The following GRM7 variants were observed in gnomAD, a reference collection of about 807,000 sequenced individuals.
GRM7 encodes metabotropic glutamate receptor 7.
A neutral mutation model predicts 84.5 loss-of-function variants in GRM7; 35 were observed. The ratio of observed to expected loss-of-function variants is 0.41; its 90% CI spans 0.32 to 0.55. The LOEUF (loss-of-function observed/expected upper bound fraction) is 0.55, where lower values mean the gene tolerates loss of function less well. Ranked by LOEUF, GRM7 falls within the 20% of genes least tolerant of loss-of-function variation. The probability of loss-of-function intolerance (pLI) is 0.19; values close to 1 mark genes in which losing one functional copy is unlikely to be tolerated. For synonymous variants in GRM7, 487 were observed against 455.1 expected, an observed-to-expected ratio of 1.07 and a Z score of -0.89; for missense variants, 1,003 against 1,194.6, an observed-to-expected ratio of 0.84 and a Z score of 2.36.
intron 7 of GRM7, among the ~76,000 whole-genome samples, chr3:7,559,647 A>G: frequency 6.6e-6 from 1 of 152,118 alleles, no homozygotes; most frequent in East Asian, 1.9e-4. Flanking sequence ...ATTATTTCTC[A>G]ACTCTGCGAA....
intron 4 of GRM7, among the ~76,000 whole-genome samples, chr3:7,336,814 A>C (rs1701438916): frequency 6.6e-6 from 1 of 151,930 alleles, no homozygotes; most frequent in African/African-American, 2.4e-5. Flanking sequence ...TCTATATATA[A>C]TATTTGGGAA....
chr3:6,870,061 C>G (rs1196974599), intron 1 of GRM7, among the ~76,000 whole-genome samples: 2 of 151,772 alleles, frequency 1.3e-5, no homozygotes, highest in African/African-American at 2.4e-5. Context: ...TCTCCCTTCT[C>G]CACTCTCTCC....
intron 8 of GRM7, among the ~76,000 whole-genome samples, chr3:7,654,110 A>G (rs1699077285): frequency 6.6e-6 from 1 of 151,922 alleles, no homozygotes; most frequent in Non-Finnish European, 1.5e-5. Flanking sequence ...CACTTCCTCT[A>G]TATTGCTGAT....
At chr3:6,949,251 G>A (rs1344808368) in intron 1 of GRM7, among the ~76,000 whole-genome samples, 2 of 152,118 alleles carry the variant, frequency 1.3e-5, no homozygotes, top group African/African-American at 2.4e-5. Context: ...AGCAGGCCTG[G>A]TGGTGACAAA....
intron 1 of GRM7, among the ~76,000 whole-genome samples, chr3:6,874,259 G>A (rs1323964224): frequency 1.3e-5 from 2 of 152,186 alleles, no homozygotes; most frequent in Non-Finnish European, 2.9e-5. Context: ...TTATCAGTAA[G>A]TAGCTGAACA....
chr3:7,379,291 C>T (rs945371622), intron 4 of GRM7, among the ~76,000 whole-genome samples: 2 of 151,934 alleles, frequency 1.3e-5, no homozygotes, highest in Admixed American at 6.6e-5. Context: ...CCCAGGTTGC[C>T]CAGCTTGCCC....
intron 1 of GRM7, among the ~76,000 whole-genome samples, chr3:7,073,425 T>G (rs1358671451): frequency 2.6e-5 from 4 of 152,136 alleles, no homozygotes; most frequent in African/African-American, 9.7e-5. Flanking sequence ...GCCTCTTGTT[T>G]CAAGGCAGCA....
chr3:7,472,567 G>A (rs1354086573), intron 7 of GRM7, among the ~76,000 whole-genome samples: 1 of 152,190 alleles, frequency 6.6e-6, no homozygotes, highest in Non-Finnish European at 1.5e-5. Context: ...ATGAGCTTGA[G>A]GAGAGAGGAC....
intron 2 of GRM7, among the ~76,000 whole-genome samples, chr3:7,218,964 G>C (rs887289472): frequency 6.6e-6 from 1 of 151,718 alleles, no homozygotes; most frequent in African/African-American, 2.4e-5. Flanking sequence ...ATAATATATT[G>C]GTTATTTTTG....
At chr3:7,177,946 C>A (rs1695209753) in intron 2 of GRM7, among the ~76,000 whole-genome samples, 1 of 152,092 alleles carries the variant, frequency 6.6e-6, no homozygotes, top group South Asian at 2.1e-4. Context: ...ATATTTTGTT[C>A]AAAATACCCA....
At chr3:6,925,849 G>T (rs1041643492) in intron 1 of GRM7, among the ~76,000 whole-genome samples, 2 of 152,126 alleles carry the variant, frequency 1.3e-5, no homozygotes, top group African/African-American at 2.4e-5. Flanking sequence ...TCAGATATTT[G>T]TAGCCCATCA....
At chr3:7,473,401 A>G (rs1698782044) in intron 7 of GRM7, among the ~76,000 whole-genome samples, 1 of 151,868 alleles carries the variant, frequency 6.6e-6, no homozygotes, top group South Asian at 2.1e-4. Flanking sequence ...CTTTGAGCCC[A>G]GGAGTTCGAG....
intron 1 of GRM7, among the ~76,000 whole-genome samples, chr3:7,133,422 A>G (rs1693668615): frequency 1.3e-5 from 2 of 152,154 alleles, no homozygotes; most frequent in African/African-American, 4.8e-5. Flanking sequence ...CAACTGGGGA[A>G]TATGCTACTG....
At chr3:7,300,166 T>G (rs1171897697) in intron 3 of GRM7, among the ~76,000 whole-genome samples, 2 of 152,174 alleles carry the variant, frequency 1.3e-5, no homozygotes, top group Non-Finnish European at 2.9e-5. Flanking sequence ...TATCTTATAG[T>G]TCAAAATAAT....
Position 6,997,468 on chromosome 3 carries a change from G to A in GRM7, c.519+135561G>A, listed in dbSNP as rs1174811934. ...CTTCACATGACAGTAGCAAGGAGAA[G>A]TGCAGAGCAAAATGGGGGAAAGCCC... On this transcript the variant is annotated intron_variant, in intron 1 of 9. Transcript: ENST00000357716. Among the ~76,000 whole-genome samples, 17 of 152,172 alleles carry A rather than the reference G, an allele frequency of 1.1e-4. 1 individual carries two copies. Among genetic ancestry groups the A allele is most frequent in the Admixed American group, 9.2e-4 (14 of 15,284 alleles).
chr3:7,725,676 C>T (rs74720598), intron 9 of GRM7, among the ~76,000 whole-genome samples: 1,714 of 152,244 alleles, frequency 0.011, 43 homozygotes, highest in African/African-American at 0.039. Context: ...GGTGTTCCCA[C>T]CGGGGTTTCT....
intron 4 of GRM7, among the ~76,000 whole-genome samples, chr3:7,344,022 T>A (rs1692774002): frequency 6.6e-6 from 1 of 152,164 alleles, no homozygotes; most frequent in African/African-American, 2.4e-5. Context: ...AAACTTCTTT[T>A]CTCTGACTTG....
chr3:7,332,216 T>C (rs1701235869), intron 4 of GRM7, among the ~76,000 whole-genome samples: 2 of 152,270 alleles, frequency 1.3e-5, no homozygotes, highest in South Asian at 4.1e-4. Flanking sequence ...TGTTTGGAAC[T>C]TACATAACTA....
intron 4 of GRM7, among the ~76,000 whole-genome samples, chr3:7,326,241 A>G (rs1401054077): frequency 6.6e-6 from 1 of 151,782 alleles, no homozygotes; most frequent in East Asian, 1.9e-4. Context: ...TTATACAAGG[A>G]GGCCTCTTTA....
Sources: gnomAD v4.1 joint callset for allele counts (sites outside exome capture counted in the v4.1 genomes callset) on GRCh38, gnomAD v4.1.1 for gene constraint, MANE v1.5 for transcripts, NCBI Gene and HGNC (gene_info 2026-07-23, HGNC 2026-07-21) for gene names.